PCDHGB6: variants seen among roughly 807,000 people sequenced by gnomAD.
The protein encoded by PCDHGB6 is protocadherin gamma subfamily B, 6.
A neutral mutation model predicts 59.1 loss-of-function variants in PCDHGB6; 51 were observed. The ratio of observed to expected loss-of-function variants is 0.86; its 90% CI spans 0.69 to 1.09. PCDHGB6 has a LOEUF of 1.09. Among genes scored for constraint, PCDHGB6 ranks in the 50% least tolerant of loss-of-function variants. The pLI is 0.00. For missense variants in PCDHGB6, 1,148 were observed against 1,205.1 expected (o/e 0.95, Z 0.70); for synonymous variants, 466 against 495.1 (o/e 0.94, Z 0.78).
intron 2 of PCDHGB6, among the ~76,000 whole-genome samples, chr5:141,502,024 C>T (rs2099812413): frequency 2.0e-5 from 3 of 152,152 alleles, no homozygotes; most frequent in Admixed American, 1.3e-4. Context: ...TCCCTGCAAC[C>T]CCCGCCGCTT....
intron 2 of PCDHGB6, among the ~76,000 whole-genome samples, chr5:141,496,230 C>T (rs1336418553): frequency 2.6e-5 from 4 of 152,160 alleles, no homozygotes; most frequent in Admixed American, 2.0e-4. Flanking sequence ...AGACAGGAAC[C>T]CCCTGCGGGC....
intron 1 of PCDHGB6, chr5:141,478,265 G>C: frequency 1.2e-6 from 2 of 1,614,196 alleles, no homozygotes; most frequent in Non-Finnish European, 1.7e-6. Flanking sequence ...CATATTCAAA[G>C]TTTACAAGTG....
chr5:141,438,998 C>A (rs932958148), intron 1 of PCDHGB6, among the ~76,000 whole-genome samples: 7 of 151,836 alleles, frequency 4.6e-5, no homozygotes, highest in Non-Finnish European at 1.0e-4. Flanking sequence ...GGCTAAGGAC[C>A]TGGTTTGTTT....
intron 1 of PCDHGB6, chr5:141,415,481 A>G: frequency 1.9e-6 from 3 of 1,614,114 alleles, no homozygotes; most frequent in Non-Finnish European, 1.7e-6. Flanking sequence ...GACTCGCGAA[A>G]GAGTCACCTG....
Position 141,456,380 on chromosome 5 carries a change from C to T in PCDHGB6, c.2419-38427C>T, listed in dbSNP as rs186993611. ...CCATGTGTGGTTCAGTTTACAGCAC[C>T]GTTTGGAGTTTGATTGCTTCTAGGC... is the stretch of plus-strand genomic sequence containing the variant. On this transcript the variant is annotated intron_variant, in intron 1 of 3. Coordinates refer to ENST00000520790, the MANE Select transcript of PCDHGB6 (RefSeq NM_018926.3). Among the ~76,000 whole-genome samples, 427 of 152,082 alleles carry T rather than the reference C, an allele frequency of 2.8e-3. 1 individual carries two copies. Among genetic ancestry groups the T allele is most frequent in the Non-Finnish European group, 2.7e-3 (184 of 68,004 alleles).
At chr5:141,426,788 T>C (rs2096960035) in intron 1 of PCDHGB6, 1 of 456,568 alleles carries the variant, frequency 2.2e-6, no homozygotes, top group African/African-American at 2.0e-5. Context: ...CTCTCCAGAG[T>C]TACCAGCTCA....
chr5:141,485,106 TGGCTGTTTGGGGCGGGTC>T lies in PCDHGB6; in HGVS notation c.2419-9696_2419-9679del. 1 of 1,206,448 alleles carries T rather than the reference TGGCTGTTTGGGGCGGGTC, an allele frequency of 8.3e-7. No homozygotes were observed. The highest frequency in any genetic ancestry group is 1.2e-6 in the Non-Finnish European group (1 of 828,284). 74.7% of individuals were successfully genotyped at this position (1,206,448 alleles called of 1,614,324 possible). Reference sequence around the variant, plus strand: ...GGGAGATAGGTGTCTCCAGCTGCTGTGGCTGTTTGGGGCGGGTCGGCTTCATCCGCGTCTCAGGAGCAA... The same window carrying T: ...GGGAGATAGGTGTCTCCAGCTGCTGTGGCTTCATCCGCGTCTCAGGAGCAA... On this transcript the variant is annotated intron_variant, in intron 1 of 3. Coordinates refer to ENST00000520790, the MANE Select transcript of PCDHGB6 (RefSeq NM_018926.3). This position sits in a 1 kb window ranked among gnomAD's most constrained non-coding sequence, Gnocchi z 5.7.
At chr5:141,415,503 G>A (rs1354902623) in intron 1 of PCDHGB6, 1 of 1,614,212 alleles carries the variant, frequency 6.2e-7, no homozygotes. Flanking sequence ...TCTTCCCCCA[G>A]CCCAATTATG....
chr5:141,494,943 G>A, intron 2 of PCDHGB6, 78 bp downstream of exon 2: 2 of 1,610,326 alleles, frequency 1.2e-6, no homozygotes, highest in Non-Finnish European at 1.7e-6. Flanking sequence ...ATGGGGGAGG[G>A]CCCAGCATTT....
At chr5:141,423,034 G>A (rs769232324) in intron 1 of PCDHGB6, 1 of 1,614,200 alleles carries the variant, frequency 6.2e-7, no homozygotes, top group Non-Finnish European at 8.5e-7. Context: ...AGGCCAGAAC[G>A]CCTGGCTGTC....
intron 1 of PCDHGB6, chr5:141,421,506 G>T: frequency 6.2e-7 from 1 of 1,614,076 alleles, no homozygotes; most frequent in Non-Finnish European, 8.5e-7. Context: ...GGATAGACCG[G>T]GAGGAGCTCT....
At chr5:141,472,980 CAAAAAAA>C (rs60579131) in intron 1 of PCDHGB6, among the ~76,000 whole-genome samples, 1 of 86,108 alleles carries the variant, frequency 1.2e-5, no homozygotes, top group East Asian at 4.1e-4. Context: ...GAGTGAAACT[CAAAAAAA>C]AAAAAAAAAA....
Position 141,429,458 on chromosome 5 carries a change from T to C in PCDHGB6, c.2418+18838T>C, listed in dbSNP as rs561407449. 1.6e-4 allele frequency among the ~76,000 whole-genome samples: 25 copies of C among 152,210 alleles called. 1 individual carries two copies. The South Asian group carries it at 4.6e-3, about 28-fold the overall frequency. ...TCAAACTCTTGGGCTACAGTAATCC[T>C]CCCACCTCAATCTCCAGAGTAGCTG... On this transcript the variant is annotated intron_variant, in intron 1 of 3. Transcript: ENST00000520790.
chr5:141,417,001 ATAAT>A (rs2096073629), intron 1 of PCDHGB6: 2 of 150,812 alleles, frequency 1.3e-5, no homozygotes, highest in Non-Finnish European at 1.5e-5. Flanking sequence ...TTCATCTCAA[ATAAT>A]TCTATTATTT....
rs529029548 is a variant in PCDHGB6 at position 141,483,337 on chromosome 5, T to C, written c.2419-11470T>C. 9.2e-5 allele frequency among the ~76,000 whole-genome samples: 14 copies of C among 152,260 alleles called. No homozygotes were observed. In the East Asian group the frequency reaches 2.5e-3, roughly 27 times the overall value. On this transcript the variant is annotated intron_variant, in intron 1 of 3. Transcript: ENST00000520790. Reference sequence around the variant, plus strand: ...TGGGACTGGAGGCAAAGAGATCTTATCTCTTTGCAATAGTTTGAAAGCTAT... The same window carrying C: ...TGGGACTGGAGGCAAAGAGATCTTACCTCTTTGCAATAGTTTGAAAGCTAT...
chr5:141,409,071 A>G lies in PCDHGB6; in HGVS notation c.869A>G (p.His290Arg). ...CGAAGCACTGCCCAGAGCACAAAAC[A>G]TATGTTCTCATTGGATGAGAAAACA... is the stretch of plus-strand genomic sequence containing the variant. ...YFRSTAQSTKHMFSLDEKTGM... is the reference protein window; with the variant it reads ...YFRSTAQSTKRMFSLDEKTGM... Residue 290 changes from histidine to arginine, a missense_variant, in exon 1 of 4, where the codon CAT becomes CGT. Physicochemically the swap from His to Arg is conservative, Grantham distance 29. This residue lies in a region of PCDHGB6 where 549 missense variants were observed against 527.5 expected (regional missense o/e 1.04). Transcript: ENST00000520790. 2.5e-6 allele frequency: 4 copies of G among 1,613,996 alleles called. No individual in the cohort carries two copies. The highest frequency in any genetic ancestry group is 3.4e-6 in the Non-Finnish European group (4 of 1,179,890).
rs2098995125 is a variant in PCDHGB6 at position 141,460,673 on chromosome 5, A to G, written c.2419-34134A>G. 2.6e-5 allele frequency among the ~76,000 whole-genome samples: 4 copies of G among 152,244 alleles called. No homozygotes were observed. The South Asian group carries it at 8.3e-4, about 32-fold the overall frequency. On this transcript the variant is annotated intron_variant, in intron 1 of 3. Coordinates refer to ENST00000520790, the MANE Select transcript of PCDHGB6 (RefSeq NM_018926.3). ...CATATGTAACTGTAAACACAGTTAT[A>G]TATCTATATATCCACCAACAGTTGA... is the stretch of plus-strand genomic sequence containing the variant.
intron 1 of PCDHGB6, among the ~76,000 whole-genome samples, chr5:141,449,594 A>T (rs2098647409): frequency 6.6e-6 from 1 of 150,814 alleles, no homozygotes; most frequent in Non-Finnish European, 1.5e-5. Context: ...GTCTCAAAAA[A>T]AAAAAAAAAA....
intron 2 of PCDHGB6, among the ~76,000 whole-genome samples, chr5:141,503,010 A>T (rs1595838084): frequency 6.8e-6 from 1 of 146,772 alleles, no homozygotes; most frequent in East Asian, 2.0e-4. Context: ...TGCCCGGTTA[A>T]TTTTTTTTTT....
Sources: allele counts gnomAD v4.1 joint callset (sites outside exome capture counted in the v4.1 genomes callset), GRCh38; gene constraint gnomAD v4.1.1; regional missense constraint gnomAD v4.1.1; non-coding constraint Gnocchi (gnomAD v3.1); transcripts MANE v1.5; gene names NCBI Gene and HGNC (gene_info 2026-07-23, HGNC 2026-07-21).